The following NDUFA6 variants were observed in gnomAD, a reference collection of about 807,000 sequenced individuals.
NDUFA6 encodes the protein NADH:ubiquinone oxidoreductase subunit A6, also known as NADH dehydrogenase [ubiquinone] 1 alpha subcomplex subunit 6.
NDUFA6 carries 10 observed loss-of-function variants against 12.5 expected under a neutral mutation model. The ratio of observed to expected loss-of-function variants is 0.80; its 90% CI spans 0.49 to 1.35. The LOEUF (loss-of-function observed/expected upper bound fraction) is 1.35. Ranked by LOEUF, NDUFA6 falls within the 40% of genes most tolerant of loss-of-function variation. NDUFA6 has a pLI of 0.00. For synonymous variants in NDUFA6, 66 were observed against 63.0 expected, an observed-to-expected ratio of 1.05 and a Z score of -0.23; for missense variants, 177 against 173.5, an observed-to-expected ratio of 1.02 and a Z score of -0.11.
intron 1 of NDUFA6, among the ~76,000 whole-genome samples, chr22:42,089,065 C>T (rs979096274): frequency 1.3e-5 from 2 of 152,022 alleles, no homozygotes; most frequent in African/African-American, 2.4e-5. Flanking sequence ...GACTTTGGGA[C>T]TTTCTTCCCA....
At chr22:42,088,068 C>T (rs1196354721) in intron 1 of NDUFA6, among the ~76,000 whole-genome samples, 3 of 139,654 alleles carry the variant, frequency 2.1e-5, no homozygotes, top group Admixed American at 7.5e-5. Flanking sequence ...AGATGGGCCA[C>T]TGCATTCCAG....
chr22:42,088,709 G>T (rs1342521350), intron 1 of NDUFA6, among the ~76,000 whole-genome samples: 1 of 133,898 alleles, frequency 7.5e-6, no homozygotes, highest in Non-Finnish European at 1.5e-5. Flanking sequence ...AGACAAGAGC[G>T]AGACTCTGTC....
rs1007055168 is a variant in NDUFA6, at chr22:42,086,120, T to C, written c.*63A>G. The stretch of plus-strand genomic sequence containing the variant: ...ATGGAATTCTATCACAAAGTGACCA[T>C]TGTATAGTGAGTTTATTTGTGCTCT... On this transcript the variant is annotated 3_prime_UTR_variant, in exon 3 of 3. Transcript: ENST00000498737. 79 of 1,610,814 alleles carry C rather than the reference T, an allele frequency of 4.9e-5. No homozygotes were observed. The highest frequency in any genetic ancestry group is 6.7e-5 in the African/African-American group (5 of 74,988).
Position 42,086,131 on chromosome 22 carries a change from GTT to G in NDUFA6, c.*50_*51del. ...TCACAAAGTGACCATTGTATAGTGAGTTTATTTGTGCTCTAAAATAGTATCAA... is the reference window on the plus strand; with the variant it reads ...TCACAAAGTGACCATTGTATAGTGAGTATTTGTGCTCTAAAATAGTATCAA... On this transcript the variant is annotated 3_prime_UTR_variant, in exon 3 of 3. Coordinates refer to ENST00000498737, the MANE Select transcript of NDUFA6 (RefSeq NM_002490.6). 6.2e-7 allele frequency: 1 copy of G among 1,613,494 alleles called. No individual in the cohort carries two copies. The highest frequency in any genetic ancestry group is 8.5e-7 in the Non-Finnish European group (1 of 1,179,522).
At position 42,090,696 on chromosome 22, in the gene NDUFA6, C is replaced by G. The variant is rs748241340; in HGVS notation, c.49G>C (p.Val17Leu). The G allele has an allele frequency of 6.2e-7, 1 of 1,614,190 alleles. No homozygotes were observed. The highest frequency in any genetic ancestry group is 8.5e-7 in the Non-Finnish European group (1 of 1,180,044). The change falls in exon 1 of 3, where the codon GTG becomes CTG. Residue 17 changes from valine (V) to leucine (L), a missense_variant. Physicochemically the swap from Val to Leu is conservative, Grantham distance 32. Coordinates refer to ENST00000498737, the MANE Select transcript of NDUFA6 (RefSeq NM_002490.6). Reference protein sequence around the residue: ...RQATSTASTFVKPIFSRDMNE... With the variant: ...RQATSTASTFLKPIFSRDMNE... ...ATGTCCCGACTGAAAATGGGCTTCA[C>G]GAAGGTGCTGGCGGTAGAAGTAGCT...
At position 42,090,624 on chromosome 22, in the gene NDUFA6, G is replaced by A. The variant is rs781267700; in HGVS notation, c.121C>T (p.Arg41Trp). 6 of 1,613,808 alleles carry A rather than the reference G, an allele frequency of 3.7e-6. No homozygotes were observed. Among genetic ancestry groups the A allele is most frequent in the African/African-American group, 1.3e-5 (1 of 74,948 alleles). ...CTCTCACCAGTGTTCGGCACCTCCC[G>A]ATACCAGGCGCGGTAGAGCTCGCGC... Reference protein sequence around the residue: ...RVRELYRAWYREVPNTVHQFQ... With the variant: ...RVRELYRAWYWEVPNTVHQFQ... The change falls in exon 1 of 3, where the codon CGG (arginine) becomes TGG (tryptophan). Residue 41 changes from arginine (R) to tryptophan (W), a missense_variant. Physicochemically the swap from Arg to Trp is moderately radical, Grantham distance 101. Coordinates refer to ENST00000498737, the MANE Select transcript of NDUFA6 (RefSeq NM_002490.6).
rs1160665605 is a variant in NDUFA6 at position 42,085,760 on chromosome 22, C to G, written c.*423G>C. 5 of 266,582 alleles carry G rather than the reference C, an allele frequency of 1.9e-5. No homozygotes were observed. The highest frequency in any genetic ancestry group is 1.1e-4 in the African/African-American group (5 of 44,290). The allele number at this position is 266,582 out of a possible 1,614,324, so 16.5% of individuals were successfully genotyped here. ...CCCAAGGAAAACTAGCCCATCTTGA[C>G]AGCTCTACTTTTGCGCCTGTTAGTG... On this transcript the variant is annotated 3_prime_UTR_variant, in exon 3 of 3. Coordinates refer to ENST00000498737, the MANE Select transcript of NDUFA6 (RefSeq NM_002490.6).
intron 2 of NDUFA6, 109 bp downstream of exon 2, chr22:42,086,951 G>A (rs891238618): frequency 1.5e-5 from 12 of 824,496 alleles, no homozygotes; most frequent in African/African-American, 3.3e-5. Flanking sequence ...AATCACTGCC[G>A]AACCAGTAGC....
chr22:42,087,246 T>C (rs1332027884), intron 1 of NDUFA6, 71 bp from the exon 2 acceptor site: 14 of 1,144,486 alleles, frequency 1.2e-5, no homozygotes, highest in Admixed American at 1.0e-4. Flanking sequence ...ATGATACTCA[T>C]TGAACACATA....
chr22:42,087,839 G>A (rs1346150909), intron 1 of NDUFA6, among the ~76,000 whole-genome samples: 2 of 151,560 alleles, frequency 1.3e-5, no homozygotes, highest in African/African-American at 4.9e-5. Context: ...TGGGCGCGGT[G>A]GCTCACGCCT....
chr22:42,090,539 C>T, intron 1 of NDUFA6, 67 bp downstream of exon 1: 1 of 1,592,452 alleles, frequency 6.3e-7, no homozygotes, highest in South Asian at 1.1e-5. Flanking sequence ...CATGAGAAAC[C>T]CCGGCCGGGC....
At chr22:42,089,395 C>T (rs958551744) in intron 1 of NDUFA6, among the ~76,000 whole-genome samples, 9 of 151,376 alleles carry the variant, frequency 5.9e-5, no homozygotes, top group South Asian at 2.1e-4. Context: ...TATCTGCCTG[C>T]CCCTGAAGGC....
chr22:42,086,331 G>C lies in NDUFA6; in HGVS notation c.256-17C>G. On this transcript the variant is annotated splice_polypyrimidine_tract_variant and intron_variant, in intron 2 of 2. Transcript: ENST00000498737. ...GATCTTTCCCTGAACAGTGAGGAGA[G>C]AGGTCATCAGTCAAAGTTGTCAAGT... The C allele has an allele frequency of 1.2e-6, 2 of 1,614,184 alleles. No individual in the cohort carries two copies. The highest frequency in any genetic ancestry group is 8.5e-7 in the Non-Finnish European group (1 of 1,180,022).
Position 42,085,554 on chromosome 22 carries a change from T to C in NDUFA6, c.*629A>G, listed in dbSNP as rs2032961202. The C allele has an allele frequency of 6.2e-6, 1 of 161,618 alleles. No homozygotes were observed. Among genetic ancestry groups the C allele is most frequent in the South Asian group, 1.7e-4 (1 of 5,840 alleles). 10.0% of individuals were successfully genotyped at this position (161,618 alleles called of 1,614,324 possible). A position where few individuals can be genotyped will look rare whatever the true frequency, so the allele number is the denominator to read the frequency against. The stretch of plus-strand genomic sequence containing the variant: ...GTTCTTGAACCTGTGTTGATGTTTA[T>C]TCTGCCACTGAGAGGTACACCAGGG... On this transcript the variant is annotated 3_prime_UTR_variant, in exon 3 of 3. Coordinates refer to ENST00000498737, the MANE Select transcript of NDUFA6 (RefSeq NM_002490.6).
chr22:42,086,146 A>G lies in NDUFA6; in HGVS notation c.*37T>C. The stretch of plus-strand genomic sequence containing the variant: ...TGTATAGTGAGTTTATTTGTGCTCT[A>G]AAATAGTATCAACGTGCATCTTTCC... On this transcript the variant is annotated 3_prime_UTR_variant, in exon 3 of 3. Coordinates refer to ENST00000498737, the MANE Select transcript of NDUFA6 (RefSeq NM_002490.6). 6.2e-7 allele frequency: 1 copy of G among 1,614,078 alleles called. No individual in the cohort carries two copies. The highest frequency in any genetic ancestry group is 8.5e-7 in the Non-Finnish European group (1 of 1,179,926).
At position 42,090,576 on chromosome 22, in the gene NDUFA6, CG is replaced by C. The variant is rs1928579838; in HGVS notation, c.139+29del. The stretch of plus-strand genomic sequence containing the variant: ...GGCTACGACCTTGAGCGGCGGCCTC[CG>C]GGTCCCCACGTAAGCCGCTACCTCT... On this transcript the variant is annotated intron_variant, in intron 1 of 2. Coordinates refer to ENST00000498737, the MANE Select transcript of NDUFA6 (RefSeq NM_002490.6). 3 of 1,612,032 alleles carry C rather than the reference CG, an allele frequency of 1.9e-6. No individual in the cohort carries two copies. In the East Asian group the frequency reaches 6.7e-5, roughly 36 times the overall value.
intron 1 of NDUFA6, 42 bp downstream of exon 1, chr22:42,090,564 A>G: frequency 6.2e-7 from 1 of 1,609,062 alleles, no homozygotes; most frequent in Non-Finnish European, 8.5e-7. Flanking sequence ...TACGACCTTG[A>G]GCGGCGGCCT....
In NDUFA6 at chr22:42,086,015, A is replaced by G. The variant is rs560729062; in HGVS notation, c.*168T>C. ...TTTACAGCAAACACCACATTTCAAG[A>G]AAAGGGAAAGAACAGGTGATGTGTA... On this transcript the variant is annotated 3_prime_UTR_variant, in exon 3 of 3. Transcript: ENST00000498737. 4 of 825,446 alleles carry G rather than the reference A, an allele frequency of 4.8e-6. No homozygotes were observed. The highest frequency in any genetic ancestry group is 8.0e-6 in the Non-Finnish European group (4 of 498,716). 51.1% of individuals were successfully genotyped at this position (825,446 alleles called of 1,614,324 possible).
At position 42,086,127 on chromosome 22, in the gene NDUFA6, G is replaced by C; in HGVS notation, c.*56C>G. 1 of 1,612,858 alleles carries C rather than the reference G, an allele frequency of 6.2e-7. No individual in the cohort carries two copies. The highest frequency in any genetic ancestry group is 8.5e-7 in the Non-Finnish European group (1 of 1,178,986). The stretch of plus-strand genomic sequence containing the variant: ...TCTATCACAAAGTGACCATTGTATA[G>C]TGAGTTTATTTGTGCTCTAAAATAG... On this transcript the variant is annotated 3_prime_UTR_variant, in exon 3 of 3. Transcript: ENST00000498737.
Sources: gnomAD v4.1 joint callset for allele counts (sites outside exome capture counted in the v4.1 genomes callset) on GRCh38, gnomAD v4.1.1 for gene constraint, MANE v1.5 for transcripts, NCBI Gene and HGNC (gene_info 2026-07-23, HGNC 2026-07-21) for gene names.